SLC35D1: variants seen among roughly 807,000 people sequenced by gnomAD.
The protein encoded by SLC35D1 is solute carrier family 35 member D1.
Under a neutral mutation model 46.7 loss-of-function variants are expected in SLC35D1, and 31 were observed. The ratio of observed to expected loss-of-function variants is 0.66; its 90% CI spans 0.50 to 0.90. SLC35D1 has a LOEUF of 0.90. Ranked by LOEUF, SLC35D1 falls within the 40% of genes least tolerant of loss-of-function variation. The pLI is 0.00. For synonymous variants in SLC35D1, 195 were observed against 164.6 expected, an observed-to-expected ratio of 1.18 and a Z score of -1.41; for missense variants, 397 against 426.2, an observed-to-expected ratio of 0.93 and a Z score of 0.60.
At chr1:67,037,158 A>G (rs1238960042) in intron 8 of SLC35D1, among the ~76,000 whole-genome samples, 2 of 152,084 alleles carry the variant, frequency 1.3e-5, no homozygotes, top group South Asian at 2.1e-4. Context: ...TGTGTTGAAA[A>G]GTTGTTGTAG....
At chr1:66,979,369 A>C in the SLC35D1 span, among the ~76,000 whole-genome samples, 1 of 152,208 alleles carries the variant, frequency 6.6e-6, no homozygotes, top group African/African-American at 2.4e-5. Flanking sequence ...TCCATAATTC[A>C]GAGCACATTA....
chr1:67,026,037 C>T (rs1361947581), intron 8 of SLC35D1, among the ~76,000 whole-genome samples: 3 of 152,164 alleles, frequency 2.0e-5, no homozygotes, highest in African/African-American at 7.2e-5. Flanking sequence ...AGTTCTTCAA[C>T]ATAACACTGA....
chr1:67,017,852 C>T (rs1176278427), intron 10 of SLC35D1, among the ~76,000 whole-genome samples: 1 of 152,132 alleles, frequency 6.6e-6, no homozygotes, highest in African/African-American at 2.4e-5. Context: ...AGATATGGGG[C>T]AATACATTTA....
At chr1:66,988,999 G>GT in the SLC35D1 span, among the ~76,000 whole-genome samples, 2 of 152,136 alleles carry the variant, frequency 1.3e-5, no homozygotes, top group Non-Finnish European at 2.9e-5. Context: ...TCTTTGCCAT[G>GT]TAAGTCTAGC....
chr1:67,018,770 G>A (rs907242556), intron 10 of SLC35D1, among the ~76,000 whole-genome samples: 1 of 152,196 alleles, frequency 6.6e-6, no homozygotes, highest in East Asian at 1.9e-4. Context: ...TCTTGTAGGA[G>A]GAATGGCTGA....
At chr1:67,050,309 G>T in intron 5 of SLC35D1, 124 bp downstream of exon 5, 1 of 711,828 alleles carries the variant, frequency 1.4e-6, no homozygotes, top group South Asian at 1.8e-5. Flanking sequence ...GCAGCCAAGA[G>T]AGAGGGTTGC....
chr1:67,053,037 A>G (rs779423453), intron 1 of SLC35D1, 48 bp from the exon 2 acceptor site: 2 of 1,607,252 alleles, frequency 1.2e-6, no homozygotes, highest in Admixed American at 1.7e-5. Context: ...AACCTAACTT[A>G]GCTCCGTGAA....
Position 67,042,290 on chromosome 1 carries a change from C to T in SLC35D1, c.675G>A (p.Leu225=). 6.2e-7 allele frequency: 1 copy of T among 1,614,148 alleles called. No homozygotes were observed. The highest frequency in any genetic ancestry group is 8.5e-7 in the Non-Finnish European group (1 of 1,180,018). ...TGGCCAGGGTGGGCAGAATCATGAA[C>T]AGTGCATTGTAATAGAGCAGTCCAT... ...GKYGLLYYNA[L]FMILPTLAIA... Residue 225 remains leucine, a synonymous_variant, in exon 8 of 12, where the codon CTG becomes CTA. Transcript: ENST00000235345.
At chr1:66,974,985 C>G in the SLC35D1 span, among the ~76,000 whole-genome samples, 1 of 151,906 alleles carries the variant, frequency 6.6e-6, no homozygotes, top group Non-Finnish European at 1.5e-5. Context: ...CTAGAGGAGA[C>G]AAAAAACAGC....
At chr1:67,032,086 G>A (rs989733232) in intron 8 of SLC35D1, 17 of 985,206 alleles carry the variant, frequency 1.7e-5, no homozygotes, top group Middle Eastern at 5.2e-4. Context: ...TGGAATCTTC[G>A]GTCTTGGCTG....
chr1:66,976,759 T>C, the SLC35D1 span: 1 of 1,482,482 alleles, frequency 6.7e-7, no homozygotes. Flanking sequence ...ATATATACAT[T>C]TTTGCTAAGC....
intron 8 of SLC35D1, among the ~76,000 whole-genome samples, chr1:67,026,134 T>G (rs1243330899): frequency 6.6e-6 from 1 of 152,174 alleles, no homozygotes; most frequent in African/African-American, 2.4e-5. Context: ...CCATTAAATA[T>G]GTCAGCAATA....
At chr1:66,988,988 C>T in the SLC35D1 span, among the ~76,000 whole-genome samples, 1 of 152,158 alleles carries the variant, frequency 6.6e-6, no homozygotes, top group African/African-American at 2.4e-5. Context: ...GTTTACCTTC[C>T]TCTTTGCCAT....
At chr1:67,019,353 T>C (rs1291494500) in intron 10 of SLC35D1, among the ~76,000 whole-genome samples, 1 of 152,170 alleles carries the variant, frequency 6.6e-6, no homozygotes, top group Non-Finnish European at 1.5e-5. Context: ...GCCAGCCCAA[T>C]CCCTGGCATA....
chr1:67,017,980 T>G (rs890634028), intron 10 of SLC35D1, among the ~76,000 whole-genome samples: 1 of 152,148 alleles, frequency 6.6e-6, no homozygotes, highest in Non-Finnish European at 1.5e-5. Flanking sequence ...AAGTGAGGAC[T>G]GAAGGAAATT....
intron 8 of SLC35D1, among the ~76,000 whole-genome samples, chr1:67,032,723 G>A (rs555578983): frequency 8.5e-5 from 13 of 152,110 alleles, no homozygotes; most frequent in African/African-American, 2.7e-4. Context: ...CAGGGTAAAT[G>A]GGGTATCCAT....
downstream of SLC35D1, among the ~76,000 whole-genome samples, chr1:66,995,480 A>C (rs991972986): frequency 3.5e-5 from 4 of 113,026 alleles, no homozygotes; most frequent in Admixed American, 1.9e-4. Context: ...AAAAAAAAAA[A>C]AACAGACCAA....
At chr1:67,026,776 T>C (rs1667922348) in intron 8 of SLC35D1, among the ~76,000 whole-genome samples, 1 of 152,138 alleles carries the variant, frequency 6.6e-6, no homozygotes, top group African/African-American at 2.4e-5. Context: ...AGAAAGAGGT[T>C]TAATTGACTC....
intron 7 of SLC35D1, among the ~76,000 whole-genome samples, chr1:67,044,725 G>A (rs1474734248): frequency 2.0e-5 from 3 of 152,098 alleles, no homozygotes. Context: ...AAATTCGATA[G>A]CCACATTCAG....
Sources: allele counts gnomAD v4.1 joint callset (sites outside exome capture counted in the v4.1 genomes callset), GRCh38; gene constraint gnomAD v4.1.1; transcripts MANE v1.5; gene names NCBI Gene and HGNC (gene_info 2026-07-23, HGNC 2026-07-21).